Variants in CDH4 observed in about 807,000 individuals in gnomAD.
CDH4 encodes the protein cadherin-4.
A neutral mutation model predicts 86.0 loss-of-function variants in CDH4; 33 were observed. The ratio of observed to expected loss-of-function variants is 0.38; its 90% CI spans 0.29 to 0.51. CDH4 has a LOEUF of 0.51. Ranked by LOEUF, CDH4 falls within the 20% of genes least tolerant of loss-of-function variation. CDH4 has a pLI of 0.86. For synonymous variants in CDH4, 555 were observed against 549.4 expected, an observed-to-expected ratio of 1.01 and a Z score of -0.14; for missense variants, 1,114 against 1,307.4, an observed-to-expected ratio of 0.85 and a Z score of 2.28.
intron 8 of CDH4, among the ~76,000 whole-genome samples, chr20:61,903,542 A>T (rs1451464670): frequency 3.3e-5 from 5 of 151,042 alleles, no homozygotes; most frequent in African/African-American, 2.4e-5. Flanking sequence ...AGACTCCATA[A>T]AAAAAAAAAA....
At chr20:61,748,094 G>A (rs1037040410) in intron 3 of CDH4, among the ~76,000 whole-genome samples, 1 of 151,674 alleles carries the variant, frequency 6.6e-6, no homozygotes, top group Middle Eastern at 3.4e-3. Flanking sequence ...GGGCGTTGTG[G>A]GGGGGTTGGA....
chr20:61,562,991 G>A (rs1363383626), intron 2 of CDH4, among the ~76,000 whole-genome samples: 2 of 152,212 alleles, frequency 1.3e-5, no homozygotes, highest in Non-Finnish European at 2.9e-5. Flanking sequence ...AGGGGCACCA[G>A]TGGCCCTGCA....
At chr20:61,356,149 C>A (rs28653060) in intron 2 of CDH4, among the ~76,000 whole-genome samples, 1 of 152,162 alleles carries the variant, frequency 6.6e-6, no homozygotes, top group Non-Finnish European at 1.5e-5. Context: ...AGGCAATGTG[C>A]CAGTGCTTTT....
intron 2 of CDH4, among the ~76,000 whole-genome samples, chr20:61,360,541 G>T (rs1163991761): frequency 6.6e-6 from 1 of 152,238 alleles, no homozygotes; most frequent in Admixed American, 6.5e-5. Flanking sequence ...CCGCCTAGGA[G>T]CAGGGGGCCA....
chr20:61,611,897 G>A (rs1164832680), intron 2 of CDH4, among the ~76,000 whole-genome samples: 2 of 152,110 alleles, frequency 1.3e-5, no homozygotes, highest in Admixed American at 1.3e-4. Flanking sequence ...AGAGAGACTT[G>A]TGACTGTGGA....
intron 2 of CDH4, among the ~76,000 whole-genome samples, chr20:61,617,919 C>A (rs960871553): frequency 2.0e-5 from 3 of 152,176 alleles, no homozygotes; most frequent in Non-Finnish European, 4.4e-5. Context: ...CCATGCTGTT[C>A]TCATGGTAGT....
intron 2 of CDH4, among the ~76,000 whole-genome samples, chr20:61,528,726 G>A (rs2085930978): frequency 6.6e-6 from 1 of 152,208 alleles, no homozygotes; most frequent in East Asian, 1.9e-4. Context: ...CGATGATTTA[G>A]ATAGGCTGGA....
intron 2 of CDH4, among the ~76,000 whole-genome samples, chr20:61,307,068 G>T (rs2084421075): frequency 6.6e-6 from 1 of 152,204 alleles, no homozygotes; most frequent in African/African-American, 2.4e-5. Context: ...GAAAGCAAAA[G>T]TCCACTCCGA....
chr20:61,614,944 G>A (rs1249716470), intron 2 of CDH4, among the ~76,000 whole-genome samples: 1 of 152,026 alleles, frequency 6.6e-6, no homozygotes, highest in African/African-American at 2.4e-5. Flanking sequence ...CTTCAGCCCT[G>A]CTGTCCAGGT....
intron 2 of CDH4, among the ~76,000 whole-genome samples, chr20:61,489,570 G>T (rs905470474): frequency 3.3e-5 from 5 of 152,246 alleles, no homozygotes; most frequent in African/African-American, 1.2e-4. Flanking sequence ...TCCCCAGGGG[G>T]CTGAGCCCCG....
chr20:61,741,838 G>A (rs950531387), intron 2 of CDH4, among the ~76,000 whole-genome samples: 2 of 152,054 alleles, frequency 1.3e-5, no homozygotes, highest in African/African-American at 2.4e-5. Flanking sequence ...GCGCCCAGCC[G>A]CCTGTACTTT....
intron 2 of CDH4, among the ~76,000 whole-genome samples, chr20:61,375,547 TTGG>T (rs1229755596): frequency 1.4e-5 from 2 of 147,502 alleles, no homozygotes; most frequent in Non-Finnish European, 3.0e-5. Context: ...TGTGATGGTC[TTGG>T]TGGTGGTGAT....
intron 2 of CDH4, among the ~76,000 whole-genome samples, chr20:61,656,308 C>T (rs1250836986): frequency 5.2e-5 from 5 of 96,716 alleles, no homozygotes; most frequent in African/African-American, 9.4e-5. Flanking sequence ...TGGGTAGGCA[C>T]GTGCTGAAGT....
At chr20:61,257,920 C>CGA in intron 2 of CDH4, among the ~76,000 whole-genome samples, 1 of 152,182 alleles carries the variant, frequency 6.6e-6, no homozygotes, top group Non-Finnish European at 1.5e-5. Context: ...GGTCGTATCT[C>CGA]CCCTCTATCC....
chr20:61,761,937 G>GCCGCACGGCAGGCAGCT (rs2088638920), intron 3 of CDH4, among the ~76,000 whole-genome samples: 1 of 151,794 alleles, frequency 6.6e-6, no homozygotes, highest in Non-Finnish European at 1.5e-5. Flanking sequence ...AGCAGGCAGC[G>GCCGCACGGCAGGCAGCT]CCGCACGGCA....
intron 3 of CDH4, among the ~76,000 whole-genome samples, chr20:61,757,254 AG>A (rs755887803): frequency 6.6e-6 from 1 of 150,456 alleles, no homozygotes; most frequent in East Asian, 2.0e-4. Context: ...AGCCCCCTCC[AG>A]GGGGCTCGAG....
chr20:61,565,239 G>A lies in CDH4; in HGVS notation c.170-178324G>A, dbSNP rs1179252579. Reference sequence around the variant, plus strand: ...TCGGTGGTAGGTGGTGGTGGTGGTGGTGGCGGTGCTCTTGGTGATGGTGGT... The same window carrying A: ...TCGGTGGTAGGTGGTGGTGGTGGTGATGGCGGTGCTCTTGGTGATGGTGGT... On this transcript the variant is annotated intron_variant, in intron 2 of 15. Transcript: ENST00000614565. Among the ~76,000 whole-genome samples, 8 of 61,504 alleles carry A rather than the reference G, an allele frequency of 1.3e-4. 2 individuals are homozygous for A. The highest frequency in any genetic ancestry group is 7.8e-4 in the East Asian group (2 of 2,570). The allele number at this position is 61,504 out of a possible 152,430, so 40.3% of individuals were successfully genotyped here. A position where few individuals can be genotyped will look rare whatever the true frequency, so the allele number is the denominator to read the frequency against.
At chr20:61,716,027 A>T (rs1257410647) in intron 2 of CDH4, among the ~76,000 whole-genome samples, 1 of 152,258 alleles carries the variant, frequency 6.6e-6, no homozygotes, top group Non-Finnish European at 1.5e-5. Context: ...TCCAGGCAGC[A>T]GCAGCCCCAG....
intron 2 of CDH4, among the ~76,000 whole-genome samples, chr20:61,522,780 G>A (rs112943568): frequency 9.2e-5 from 14 of 152,326 alleles, no homozygotes; most frequent in Admixed American, 4.6e-4. Flanking sequence ...GCCCGGTGCC[G>A]GTGTGGCCTT....
Sources: gnomAD v4.1 joint callset for allele counts (sites outside exome capture counted in the v4.1 genomes callset) on GRCh38, gnomAD v4.1.1 for gene constraint, MANE v1.5 for transcripts, NCBI Gene and HGNC (gene_info 2026-07-23, HGNC 2026-07-21) for gene names.